ZFAND3: variants seen among roughly 807,000 people sequenced by gnomAD.
ZFAND3 encodes zinc finger AN1-type containing 3, also known as AN1-type zinc finger protein 3.
In ZFAND3, 10 loss-of-function variants were observed where a neutral mutation model predicts 29.6. The ratio of observed to expected loss-of-function variants is 0.34; its 90% CI spans 0.21 to 0.57. The LOEUF is 0.57. Among genes scored for constraint, ZFAND3 ranks in the 20% least tolerant of loss-of-function variants. The probability of loss-of-function intolerance (pLI) is 0.86; values close to 1 mark genes in which losing one functional copy is unlikely to be tolerated. For missense variants in ZFAND3, 230 were observed against 304.5 expected (o/e 0.76, Z 1.82); for synonymous variants, 128 against 112.6 (o/e 1.14, Z -0.87).
chr6:37,998,699 G>A (rs1762894452), intron 2 of ZFAND3, among the ~76,000 whole-genome samples: 1 of 152,096 alleles, frequency 6.6e-6, no homozygotes, highest in Non-Finnish European at 1.5e-5. Context: ...TGTTATACAT[G>A]TATACTGGAA....
chr6:37,896,516 TTC>T (rs1221208931), intron 1 of ZFAND3, among the ~76,000 whole-genome samples: 1 of 89,900 alleles, frequency 1.1e-5, no homozygotes, highest in African/African-American at 6.0e-5. Context: ...CCTCTTTCTT[TTC>T]TTTCTTTCTT....
chr6:38,041,663 T>C (rs868121283), intron 2 of ZFAND3, among the ~76,000 whole-genome samples: 51 of 22,654 alleles, frequency 2.3e-3, no homozygotes, highest in African/African-American at 4.6e-3. Flanking sequence ...TTCTTCTTCT[T>C]CTTCTTCTTC....
At chr6:38,075,784 C>T (rs1764541092) in intron 3 of ZFAND3, among the ~76,000 whole-genome samples, 1 of 152,090 alleles carries the variant, frequency 6.6e-6, no homozygotes, top group Non-Finnish European at 1.5e-5. Flanking sequence ...CAGAGCCTCG[C>T]TCTGTCGCCC....
At position 38,152,958 on chromosome 6, in the gene ZFAND3, G is replaced by T. The variant is rs1157105738; in HGVS notation, c.*569G>T. 2 of 985,770 alleles carry T rather than the reference G, an allele frequency of 2.0e-6. No homozygotes were observed. The highest frequency in any genetic ancestry group is 2.4e-6 in the Non-Finnish European group (2 of 829,972). The allele number at this position is 985,770 out of a possible 1,614,324, so 61.1% of individuals were successfully genotyped here. ...CTCTCCCACAGAGCTGGAAATGGGG[G>T]GTGGGGGACAGATTCTTACGGAAAT... On this transcript the variant is annotated 3_prime_UTR_variant, in exon 6 of 6. Coordinates refer to ENST00000287218, the MANE Select transcript of ZFAND3 (RefSeq NM_021943.3).
intron 2 of ZFAND3, among the ~76,000 whole-genome samples, chr6:38,042,788 A>T (rs913715479): frequency 6.6e-6 from 1 of 152,340 alleles, no homozygotes; most frequent in South Asian, 2.1e-4. Context: ...TGTATTTTCA[A>T]GAATAGATGG....
intron 4 of ZFAND3, among the ~76,000 whole-genome samples, chr6:38,101,274 G>A (rs1453953384): frequency 6.6e-6 from 1 of 152,072 alleles, no homozygotes; most frequent in East Asian, 1.9e-4. Flanking sequence ...TTTTCTTAAA[G>A]CAGCTTTCTT....
At chr6:38,118,839 G>T (rs1455831960) in intron 5 of ZFAND3, among the ~76,000 whole-genome samples, 4 of 151,864 alleles carry the variant, frequency 2.6e-5, no homozygotes, top group Admixed American at 2.6e-4. Flanking sequence ...CTAATCTCTG[G>T]TAAATATAGA....
At chr6:38,017,699 T>C (rs1159267609) in intron 2 of ZFAND3, among the ~76,000 whole-genome samples, 3 of 151,306 alleles carry the variant, frequency 2.0e-5, no homozygotes, top group Non-Finnish European at 4.4e-5. Flanking sequence ...CCTGCTCCCA[T>C]TAAAAAAAAA....
intron 5 of ZFAND3, 111 bp from the exon 6 acceptor site, chr6:38,152,124 G>A: frequency 9.7e-7 from 1 of 1,029,672 alleles, no homozygotes; most frequent in Non-Finnish European, 1.4e-6. Context: ...AGTGAGTGTT[G>A]TCCACTCACT....
At chr6:38,128,508 C>CCA (rs1176348817) in intron 5 of ZFAND3, among the ~76,000 whole-genome samples, 46 of 152,294 alleles carry the variant, frequency 3.0e-4, no homozygotes, top group Admixed American at 3.0e-3. Flanking sequence ...CCCTGAGTCT[C>CCA]CAAAGTCGTT....
intron 2 of ZFAND3, among the ~76,000 whole-genome samples, chr6:38,022,094 C>T (rs1763364293): frequency 6.6e-6 from 1 of 152,152 alleles, no homozygotes; most frequent in Non-Finnish European, 1.5e-5. Flanking sequence ...TCAAAATGTG[C>T]TCCTTATCAC....
At chr6:37,962,111 A>G (rs1762208727) in intron 2 of ZFAND3, among the ~76,000 whole-genome samples, 1 of 152,254 alleles carries the variant, frequency 6.6e-6, no homozygotes. Context: ...AAGAAATTCA[A>G]GATAACACAG....
Position 38,061,747 on chromosome 6 carries a change from G to A in ZFAND3, c.267G>A (p.Leu89=). The change falls in exon 3 of 6, where the codon CTG becomes CTA. Residue 89 remains leucine, a synonymous_variant. Coordinates refer to ENST00000287218, the MANE Select transcript of ZFAND3 (RefSeq NM_021943.3). ...SPSQQPLPTE[L]NVTSPSKEEC... ...GCCAGCAGCCGCTTCCGACAGAACT[G>A]AATGTAACTTCACCGAGTAAAGAGG... is the stretch of plus-strand genomic sequence containing the variant. The A allele has an allele frequency of 6.2e-7, 1 of 1,614,134 alleles. No individual in the cohort carries two copies. The highest frequency in any genetic ancestry group is 8.5e-7 in the Non-Finnish European group (1 of 1,180,010).
intron 2 of ZFAND3, among the ~76,000 whole-genome samples, chr6:38,014,332 T>TATTA (rs201842561): frequency 1.4e-5 from 2 of 147,916 alleles, no homozygotes. Context: ...TTATTATTAT[T>TATTA]TTTTTTTTTT....
At chr6:38,061,038 T>G (rs1283572607) in intron 2 of ZFAND3, among the ~76,000 whole-genome samples, 2 of 152,232 alleles carry the variant, frequency 1.3e-5, no homozygotes, top group African/African-American at 2.4e-5. Flanking sequence ...TACTTTAACA[T>G]TTTGTTTATC....
intron 3 of ZFAND3, among the ~76,000 whole-genome samples, chr6:38,067,159 A>G (rs1764363160): frequency 6.6e-6 from 1 of 152,184 alleles, no homozygotes; most frequent in Non-Finnish European, 1.5e-5. Context: ...CGCATACTCA[A>G]GTCTCACAGT....
chr6:38,064,667 T>C (rs960960264), intron 3 of ZFAND3, among the ~76,000 whole-genome samples: 1 of 69,170 alleles, frequency 1.4e-5, no homozygotes, highest in Non-Finnish European at 3.1e-5. Context: ...TGCTATGGGC[T>C]TTTTTTTTTT....
chr6:38,019,543 G>A (rs1016314856), intron 2 of ZFAND3, among the ~76,000 whole-genome samples: 38 of 151,994 alleles, frequency 2.5e-4, no homozygotes, highest in Middle Eastern at 3.4e-3. Context: ...TTATTTTTAC[G>A]TAGTCAAATA....
At chr6:37,838,902 C>T (rs942590128) in intron 1 of ZFAND3, among the ~76,000 whole-genome samples, 8 of 152,168 alleles carry the variant, frequency 5.3e-5, no homozygotes, top group Admixed American at 5.2e-4. Context: ...CCCTGTTTTC[C>T]AGAGCAACTA....
Sources: gnomAD v4.1 joint callset for allele counts (sites outside exome capture counted in the v4.1 genomes callset) on GRCh38, gnomAD v4.1.1 for gene constraint, MANE v1.5 for transcripts, NCBI Gene and HGNC (gene_info 2026-07-23, HGNC 2026-07-21) for gene names.